Variants in SPOCK3 observed in about 807,000 individuals in gnomAD.
SPOCK3 encodes testican-3.
Under a neutral mutation model 56.6 loss-of-function variants are expected in SPOCK3, and 30 were observed. That is an observed-to-expected ratio of 0.53 (90% CI 0.40 to 0.72). The LOEUF (loss-of-function observed/expected upper bound fraction) is 0.72, where lower values mean the gene tolerates loss of function less well. Ranked by LOEUF, SPOCK3 falls within the 30% of genes least tolerant of loss-of-function variation. The probability of loss-of-function intolerance (pLI) is 0.00; values close to 1 mark genes in which losing one functional copy is unlikely to be tolerated. For synonymous variants in SPOCK3, 196 were observed against 183.3 expected, an observed-to-expected ratio of 1.07 and a Z score of -0.56; for missense variants, 527 against 530.0, an observed-to-expected ratio of 0.99 and a Z score of 0.06.
At chr4:167,046,587 C>G (rs1055764739) in intron 3 of SPOCK3, among the ~76,000 whole-genome samples, 41 of 150,736 alleles carry the variant, frequency 2.7e-4, no homozygotes, top group African/African-American at 9.5e-4. Flanking sequence ...TCCCTAGTAG[C>G]TGGGACTACA....
intron 2 of SPOCK3, among the ~76,000 whole-genome samples, chr4:167,085,370 C>T (rs1165433782): frequency 6.6e-6 from 1 of 152,042 alleles, no homozygotes; most frequent in Non-Finnish European, 1.5e-5. Flanking sequence ...CCAGAAAGGT[C>T]ATATTGGTTG....
At chr4:167,135,321 ATGAC>A (rs1450798075) in intron 2 of SPOCK3, among the ~76,000 whole-genome samples, 3 of 152,094 alleles carry the variant, frequency 2.0e-5, no homozygotes, top group Admixed American at 6.6e-5. Flanking sequence ...GTTTTAAGAG[ATGAC>A]AATGTTCAAT....
In SPOCK3 at chr4:166,761,956, C is replaced by T. The variant is rs988978271; in HGVS notation, c.710-7227G>A. ...GGGGCTTGAAAAATTTACAATTTCA[C>T]AAACTTTTGGGAATTTGTTAATTTT... On this transcript the variant is annotated intron_variant, in intron 7 of 10. Transcript: ENST00000357545. 2.1e-5 allele frequency among the ~76,000 whole-genome samples: 3 copies of T among 145,866 alleles called. No individual in the cohort carries two copies. The South Asian group carries it at 6.6e-4, about 32-fold the overall frequency.
intron 2 of SPOCK3, among the ~76,000 whole-genome samples, chr4:167,217,801 C>G (rs1735513863): frequency 6.6e-6 from 1 of 151,852 alleles, no homozygotes; most frequent in African/African-American, 2.4e-5. Context: ...TACATATTTT[C>G]ACATACTAAA....
intron 7 of SPOCK3, among the ~76,000 whole-genome samples, chr4:166,769,698 A>G (rs1690229694): frequency 6.6e-6 from 1 of 152,154 alleles, no homozygotes; most frequent in African/African-American, 2.4e-5. Context: ...TGGGAGAAGC[A>G]CTACTCTCTT....
At chr4:167,041,447 A>G (rs1379456523) in intron 3 of SPOCK3, among the ~76,000 whole-genome samples, 1 of 152,220 alleles carries the variant, frequency 6.6e-6, no homozygotes, top group Non-Finnish European at 1.5e-5. Flanking sequence ...TAGAAGATCT[A>G]AAATCTGATC....
At chr4:167,219,157 G>A (rs1417331355) in intron 2 of SPOCK3, among the ~76,000 whole-genome samples, 1 of 152,130 alleles carries the variant, frequency 6.6e-6, no homozygotes, top group Non-Finnish European at 1.5e-5. Context: ...ACTGCCTCAG[G>A]GACATCCGAG....
At chr4:166,946,417 C>T (rs1366318617) in intron 4 of SPOCK3, among the ~76,000 whole-genome samples, 2 of 152,198 alleles carry the variant, frequency 1.3e-5, no homozygotes, top group African/African-American at 4.8e-5. Flanking sequence ...GCTCAGCCTG[C>T]TCCTGCGCGT....
intron 2 of SPOCK3, among the ~76,000 whole-genome samples, chr4:167,097,368 T>G (rs1759249710): frequency 6.6e-6 from 1 of 151,854 alleles, no homozygotes; most frequent in South Asian, 2.1e-4. Context: ...CTCTAGTATC[T>G]TCATTTTTTT....
intron 6 of SPOCK3, among the ~76,000 whole-genome samples, chr4:166,876,689 A>T (rs1216478758): frequency 6.6e-6 from 1 of 152,168 alleles, no homozygotes; most frequent in African/African-American, 2.4e-5. Flanking sequence ...TATTAATAGT[A>T]TCTTTTGATT....
chr4:166,999,896 T>A (rs1314847562), intron 4 of SPOCK3, among the ~76,000 whole-genome samples: 1 of 152,130 alleles, frequency 6.6e-6, no homozygotes, highest in Non-Finnish European at 1.5e-5. Flanking sequence ...AAAGAAGGCA[T>A]CCTGAGGGGT....
chr4:167,150,272 A>C (rs1238686961), intron 2 of SPOCK3, among the ~76,000 whole-genome samples: 1 of 152,158 alleles, frequency 6.6e-6, no homozygotes, highest in Non-Finnish European at 1.5e-5. Flanking sequence ...TCTGAAGGTC[A>C]GTGTGTAGAC....
chr4:166,983,298 TTTTATA>T (rs1393358267), intron 4 of SPOCK3, among the ~76,000 whole-genome samples: 1 of 152,108 alleles, frequency 6.6e-6, no homozygotes, highest in Non-Finnish European at 1.5e-5. Flanking sequence ...TTTACAATTA[TTTTATA>T]TTTATATTTA....
At chr4:166,821,298 A>G (rs1182701106) in intron 6 of SPOCK3, among the ~76,000 whole-genome samples, 1 of 152,116 alleles carries the variant, frequency 6.6e-6, no homozygotes, top group Non-Finnish European at 1.5e-5. Context: ...GTTACGGAGC[A>G]TACAAAGTGT....
intron 6 of SPOCK3, among the ~76,000 whole-genome samples, chr4:166,840,927 C>T (rs1288415922): frequency 2.0e-5 from 3 of 151,516 alleles, no homozygotes; most frequent in Admixed American, 6.6e-5. Context: ...TATAGGTGCC[C>T]GCCACCACGC....
At chr4:166,950,607 T>A (rs1742460525) in intron 4 of SPOCK3, among the ~76,000 whole-genome samples, 1 of 150,794 alleles carries the variant, frequency 6.6e-6, no homozygotes, top group Admixed American at 6.6e-5. Flanking sequence ...TAAAGAACTC[T>A]CCACCCCAAA....
At chr4:167,029,209 G>A (rs566652660) in intron 3 of SPOCK3, among the ~76,000 whole-genome samples, 3 of 151,648 alleles carry the variant, frequency 2.0e-5, no homozygotes, top group Non-Finnish European at 4.4e-5. Context: ...TGAGGATAAC[G>A]GCTTCCAGCA....
chr4:167,174,322 A>G (rs1730773995), intron 2 of SPOCK3, among the ~76,000 whole-genome samples: 1 of 152,090 alleles, frequency 6.6e-6, no homozygotes, highest in South Asian at 2.1e-4. Flanking sequence ...ATTTAAAAAT[A>G]CATTATCTTT....
intron 3 of SPOCK3, among the ~76,000 whole-genome samples, chr4:167,052,013 A>T (rs886422384): frequency 6.6e-6 from 1 of 152,224 alleles, no homozygotes; most frequent in African/African-American, 2.4e-5. Flanking sequence ...ATGTAGGCTA[A>T]TGTGATATGA....
Sources: allele counts gnomAD v4.1 joint callset (sites outside exome capture counted in the v4.1 genomes callset), GRCh38; gene constraint gnomAD v4.1.1; transcripts MANE v1.5; gene names NCBI Gene and HGNC (gene_info 2026-07-23, HGNC 2026-07-21).